ZNF34: variants seen among roughly 807,000 people sequenced by gnomAD.
The protein encoded by ZNF34 is zinc finger protein 34 (KOX 32).
In ZNF34, 8 loss-of-function variants were observed where a neutral mutation model predicts 14.4. That is an observed-to-expected ratio of 0.55 (90% CI 0.33 to 1.00). The LOEUF is 1.00. ZNF34 is among the 50% of genes least tolerant of loss of function. The pLI is 0.03. For missense variants in ZNF34, 538 were observed against 674.2 expected, an observed-to-expected ratio of 0.80 and a Z score of 2.24; for synonymous variants, 235 against 247.9, an observed-to-expected ratio of 0.95 and a Z score of 0.49.
At chr8:144,786,667 GAA>G (rs1563795911) in intron 1 of ZNF34, among the ~76,000 whole-genome samples, 10 of 151,576 alleles carry the variant, frequency 6.6e-5, no homozygotes, top group Non-Finnish European at 1.2e-4. Flanking sequence ...AGAAGGAAGA[GAA>G]GAGAAAAGAA....
At chr8:144,778,208 G>T (rs903900615) in intron 3 of ZNF34, 44 bp from the exon 4 acceptor site, 2 of 1,581,482 alleles carry the variant, frequency 1.3e-6, no homozygotes, top group Non-Finnish European at 8.6e-7. Context: ...GGTCCAGAGT[G>T]GGCTGGTAGG....
At position 144,779,982 on chromosome 8, in the gene ZNF34, A is replaced by C. The variant is rs1825761361; in HGVS notation, c.-55+246T>G. ...GGCGGGAGGACAGCTTGAGCCCAGG[A>C]ATTTGAGACAAGCCTGGGCAACATA... On this transcript the variant is annotated intron_variant, in intron 2 of 5. Transcript: ENST00000429371. This position sits in a 1 kb window ranked among gnomAD's most constrained non-coding sequence, Gnocchi z 4.1. Among the ~76,000 whole-genome samples the C allele has an allele frequency of 6.6e-6, 1 of 151,030 alleles. No individual in the cohort carries two copies. Among genetic ancestry groups the C allele is most frequent in the South Asian group, 2.1e-4 (1 of 4,772 alleles).
In ZNF34 at chr8:144,777,417, C is replaced by A; in HGVS notation, c.280+41G>T. The A allele has an allele frequency of 6.5e-7, 1 of 1,547,056 alleles. No individual in the cohort carries two copies. Among genetic ancestry groups the A allele is most frequent in the Non-Finnish European group, 8.7e-7 (1 of 1,144,350 alleles). ...GACACCCTGGACCCCAATAAAGGCT[C>A]GTTCGGTGACTTGAGTTGGGGAGCA... On this transcript the variant is annotated intron_variant, in intron 5 of 5. Transcript: ENST00000429371. This position sits in a 1 kb window ranked among gnomAD's most constrained non-coding sequence, Gnocchi z 4.8.
intron 1 of ZNF34, among the ~76,000 whole-genome samples, chr8:144,784,781 T>C (rs59163703): frequency 0.29 from 43,744 of 150,832 alleles, 7,363 homozygotes; most frequent in South Asian, 0.47. Flanking sequence ...GAAATAAAAA[T>C]AAATAAACAA....
In ZNF34 at chr8:144,773,754, C is replaced by T. The variant is rs1825311625; in HGVS notation, c.1132G>A (p.Gly378Ser). 1.9e-6 allele frequency: 3 copies of T among 1,613,858 alleles called. No individual in the cohort carries two copies. The highest frequency in any genetic ancestry group is 2.5e-6 in the Non-Finnish European group (3 of 1,179,920). ...ATAAGGTTAGAACTTTGTGTAAAGCCTTTGCCACATTCCTTGCACTCAAAT... is the reference window on the plus strand; with the variant it reads ...ATAAGGTTAGAACTTTGTGTAAAGCTTTTGCCACATTCCTTGCACTCAAAT... The part of the protein sequence containing the change: ...KPFECKECGK[G>S]FTQSSNLIQH... Residue 378 changes from glycine (G) to serine (S), a missense_variant, in exon 6 of 6, where the codon GGC becomes AGC. Transcript: ENST00000429371. The surrounding 1 kb of genome is among the most constrained non-coding windows in gnomAD (Gnocchi z 5.4).
chr8:144,779,842 T>C lies in ZNF34; in HGVS notation c.-55+386A>G, dbSNP rs1323025457. On this transcript the variant is annotated intron_variant, in intron 2 of 5. Transcript: ENST00000429371. This position sits in a 1 kb window ranked among gnomAD's most constrained non-coding sequence, Gnocchi z 4.1. ...AGGAAAACGACAATACTCATTCACT[T>C]TACATGGAAGAATGAAGACAAAATG... Among the ~76,000 whole-genome samples the C allele has an allele frequency of 1.3e-5, 2 of 151,918 alleles. No homozygotes were observed. The highest frequency in any genetic ancestry group is 2.9e-5 in the Non-Finnish European group (2 of 68,010).
At position 144,779,391 on chromosome 8, in the gene ZNF34, G is replaced by T. The variant is rs1472801217; in HGVS notation, c.-55+837C>A. Among the ~76,000 whole-genome samples the T allele has an allele frequency of 6.6e-6, 1 of 152,110 alleles. No individual in the cohort carries two copies. Among genetic ancestry groups the T allele is most frequent in the African/African-American group, 2.4e-5 (1 of 41,412 alleles). On this transcript the variant is annotated intron_variant, in intron 2 of 5. Transcript: ENST00000429371. This position sits in a 1 kb window ranked among gnomAD's most constrained non-coding sequence, Gnocchi z 4.1. The stretch of plus-strand genomic sequence containing the variant: ...CATGTCCTCACCTGTCTACCCTCAT[G>T]TCCGCACATCCTCACCACCTGCTTC...
rs1192047923 is a variant in ZNF34, at chr8:144,779,994, G to A, written c.-55+234C>T. On this transcript the variant is annotated intron_variant, in intron 2 of 5. Transcript: ENST00000429371. This position sits in a 1 kb window ranked among gnomAD's most constrained non-coding sequence, Gnocchi z 4.1. The stretch of plus-strand genomic sequence containing the variant: ...GCTTGAGCCCAGGAATTTGAGACAA[G>A]CCTGGGCAACATAGGGAGACCTTAA... Among the ~76,000 whole-genome samples, 2 of 143,518 alleles carry A rather than the reference G, an allele frequency of 1.4e-5. No homozygotes were observed. Among genetic ancestry groups the A allele is most frequent in the Non-Finnish European group, 3.0e-5 (2 of 66,832 alleles). 94.2% of individuals were successfully genotyped at this position (143,518 alleles called of 152,430 possible).
intron 5 of ZNF34, among the ~76,000 whole-genome samples, chr8:144,776,911 CA>C (rs149216566): frequency 0.018 from 1,833 of 100,782 alleles, 37 homozygotes; most frequent in African/African-American, 0.057. Flanking sequence ...GACCCTGTCT[CA>C]AAAAAAAAAA....
At chr8:144,783,897 GC>G (rs1826052438) in intron 1 of ZNF34, among the ~76,000 whole-genome samples, 1 of 152,196 alleles carries the variant, frequency 6.6e-6, no homozygotes, top group Non-Finnish European at 1.5e-5. Context: ...AGGCGCAGTG[GC>G]TCACGCCTAT....
intron 1 of ZNF34, among the ~76,000 whole-genome samples, chr8:144,785,969 T>C (rs574966114): frequency 1.4e-5 from 2 of 146,850 alleles, no homozygotes; most frequent in African/African-American, 2.5e-5. Flanking sequence ...CACAGTATAA[T>C]ACATAGGTAG....
chr8:144,773,814 T>G lies in ZNF34; in HGVS notation c.1072A>C (p.Ile358Leu). ...GKAFSDGSIL[I>L]RHRRTHTGEK... Reference sequence around the variant, plus strand: ...CCGGTGTGAGTCCGACGATGTCGGATAAGGATTGAGCCATCACTGAAGGCT... The same window carrying G: ...CCGGTGTGAGTCCGACGATGTCGGAGAAGGATTGAGCCATCACTGAAGGCT... Residue 358 changes from isoleucine (I) to leucine (L), a missense_variant, in exon 6 of 6, where the codon ATC becomes CTC. Physicochemically the swap from Ile to Leu is conservative, Grantham distance 5. This residue lies in a region of ZNF34 where 431 missense variants were observed against 525.7 expected (regional missense o/e 0.82). Transcript: ENST00000429371. This position sits in a 1 kb window ranked among gnomAD's most constrained non-coding sequence, Gnocchi z 5.4. The G allele has an allele frequency of 1.2e-6, 2 of 1,614,156 alleles. No homozygotes were observed. Among genetic ancestry groups the G allele is most frequent in the Non-Finnish European group, 1.7e-6 (2 of 1,180,012 alleles).
At position 144,781,274 on chromosome 8, in the gene ZNF34, GT is replaced by G. The variant is rs879285192; in HGVS notation, c.-107-995del. Among the ~76,000 whole-genome samples, 243 of 143,072 alleles carry G rather than the reference GT, an allele frequency of 1.7e-3. 2 individuals carry two copies. The highest frequency in any genetic ancestry group is 0.014 in the South Asian group (65 of 4,486). The allele number at this position is 143,072 out of a possible 152,430, so 93.9% of individuals were successfully genotyped here. ...ACTGGTAAATCCTCCTCTGGAGTGA[GT>G]TTTTTTTTTTTTAGACGGAGTCTTA... is the stretch of plus-strand genomic sequence containing the variant. On this transcript the variant is annotated intron_variant, in intron 1 of 5. Coordinates refer to ENST00000429371, the MANE Select transcript of ZNF34 (RefSeq NM_001286769.2).
At chr8:144,780,391 A>T in intron 1 of ZNF34, 111 bp from the exon 2 acceptor site, 1 of 795,932 alleles carries the variant, frequency 1.3e-6, no homozygotes, top group Non-Finnish European at 2.0e-6. Context: ...AAAGCTTTTT[A>T]TTTAAGTATA....
chr8:144,785,409 T>A (rs1341229317), intron 1 of ZNF34: 2 of 152,134 alleles, frequency 1.3e-5, no homozygotes, highest in Non-Finnish European at 2.9e-5. Context: ...CCCCACTAAG[T>A]TCGGCATCAA....
chr8:144,785,106 CAAAAAA>C (rs749277788), intron 1 of ZNF34, among the ~76,000 whole-genome samples: 20 of 50,072 alleles, frequency 4.0e-4, no homozygotes, highest in Admixed American at 9.1e-4. Flanking sequence ...CAGACCCTGC[CAAAAAA>C]AAAAAAAAAA....
chr8:144,776,183 G>GC (rs1455416409), intron 5 of ZNF34, among the ~76,000 whole-genome samples: 2 of 151,982 alleles, frequency 1.3e-5, no homozygotes, highest in Admixed American at 6.6e-5. Context: ...ATGGTGGCGT[G>GC]CACCTGTAGT....
In ZNF34 at chr8:144,780,127, G is replaced by T. The variant is rs570758523; in HGVS notation, c.-55+101C>A. On this transcript the variant is annotated intron_variant, in intron 2 of 5. Coordinates refer to ENST00000429371, the MANE Select transcript of ZNF34 (RefSeq NM_001286769.2). ...TGGGAGGATCACCTGGGCCCAGGAA[G>T]TAGAGGCTGCAGTGAGCTGTGATCG... 5 of 865,682 alleles carry T rather than the reference G, an allele frequency of 5.8e-6. No homozygotes were observed. The African/African-American group carries it at 6.7e-5, about 12-fold the overall frequency. The allele number at this position is 865,682 out of a possible 1,614,324, so 53.6% of individuals were successfully genotyped here. A position where few individuals can be genotyped will look rare whatever the true frequency, so the allele number is the denominator to read the frequency against.
chr8:144,777,932 G>C lies in ZNF34; in HGVS notation c.160+106C>G. 1 of 1,503,754 alleles carries C rather than the reference G, an allele frequency of 6.7e-7. No homozygotes were observed. The highest frequency in any genetic ancestry group is 2.0e-5 in the Admixed American group (1 of 50,276). The allele number at this position is 1,503,754 out of a possible 1,614,324, so 93.2% of individuals were successfully genotyped here. A position where few individuals can be genotyped will look rare whatever the true frequency, so the allele number is the denominator to read the frequency against. On this transcript the variant is annotated intron_variant, in intron 4 of 5. Coordinates refer to ENST00000429371, the MANE Select transcript of ZNF34 (RefSeq NM_001286769.2). This position sits in a 1 kb window ranked among gnomAD's most constrained non-coding sequence, Gnocchi z 4.8. ...AGATCAGGTGCCTGCCTGGGATAAA[G>C]GTCATCACCTATCTGTGCCCAGGGG...
Sources: gnomAD v4.1 joint callset for allele counts (sites outside exome capture counted in the v4.1 genomes callset) on GRCh38, gnomAD v4.1.1 for gene constraint, gnomAD v4.1.1 regional missense constraint, Gnocchi (gnomAD v3.1) non-coding constraint, MANE v1.5 for transcripts, NCBI Gene and HGNC (gene_info 2026-07-23, HGNC 2026-07-21) for gene names.